Variants in TMCO5A observed in about 807,000 individuals in gnomAD.
TMCO5A encodes the protein transmembrane and coiled-coil domains 5A.
TMCO5A carries 34 observed loss-of-function variants against 42.3 expected under a neutral mutation model. That is an observed-to-expected ratio of 0.80 (90% CI 0.61 to 1.07). The LOEUF (loss-of-function observed/expected upper bound fraction) is 1.07, where lower values mean the gene tolerates loss of function less well. Ranked by LOEUF, TMCO5A falls within the 50% of genes least tolerant of loss-of-function variation. The pLI is 0.00. For synonymous variants in TMCO5A, 131 were observed against 115.6 expected, an observed-to-expected ratio of 1.13 and a Z score of -0.86; for missense variants, 357 against 327.9, an observed-to-expected ratio of 1.09 and a Z score of -0.69.
the TMCO5A span, chr15:38,020,476 C>T: frequency 2.0e-5 from 3 of 152,056 alleles, no homozygotes; most frequent in Admixed American, 6.6e-5. Context: ...AGAAGCAAGC[C>T]GGCTGAAGTT....
chr15:37,950,233 A>G (rs1292321884), intron 11 of TMCO5A, among the ~76,000 whole-genome samples: 1 of 151,092 alleles, frequency 6.6e-6, no homozygotes. Context: ...GAATCTGTAG[A>G]CATATTTTTA....
the TMCO5A span, among the ~76,000 whole-genome samples, chr15:38,015,743 A>C: frequency 1.3e-5 from 2 of 152,224 alleles, no homozygotes; most frequent in African/African-American, 4.8e-5. Flanking sequence ...TAAATGAGCT[A>C]TCAAGTCATA....
chr15:38,021,908 C>G, the TMCO5A span, among the ~76,000 whole-genome samples: 1 of 150,666 alleles, frequency 6.6e-6, no homozygotes, highest in African/African-American at 2.4e-5. Flanking sequence ...CTCCTGGGTT[C>G]AAGCAATTCT....
downstream of TMCO5A, among the ~76,000 whole-genome samples, chr15:37,955,940 GTCAC>G (rs1183668907): frequency 5.3e-5 from 8 of 152,086 alleles, no homozygotes; most frequent in Non-Finnish European, 1.2e-4. Context: ...GATTAAGAAA[GTCAC>G]TCAAAGCCAC....
At chr15:37,980,326 G>T in the TMCO5A span, among the ~76,000 whole-genome samples, 2 of 152,142 alleles carry the variant, frequency 1.3e-5, no homozygotes, top group Admixed American at 6.5e-5. Flanking sequence ...GTGCCCAGGG[G>T]TCTAAGATCC....
At position 37,958,267 on chromosome 15, in the gene TMCO5A, G is replaced by T. The variant is rs548849566; in HGVS notation, c.669-8358G>T. 8.3e-4 allele frequency among the ~76,000 whole-genome samples: 126 copies of T among 152,276 alleles called. 1 individual carries two copies. The highest frequency in any genetic ancestry group is 2.8e-3 in the African/African-American group (117 of 41,564). On this transcript the variant is annotated intron_variant, in intron 11 of 11. Coordinates refer to the TMCO5A transcript ENST00000559502. ...GATATATTTAAACTAAAGAGCTACT[G>T]CACAGCAAAAGAAACTATCATCAGA...
the TMCO5A span, among the ~76,000 whole-genome samples, chr15:38,002,367 T>C: frequency 6.6e-6 from 1 of 152,094 alleles, no homozygotes; most frequent in Admixed American, 6.5e-5. Flanking sequence ...AATATTGATA[T>C]CTTTCCCTAG....
intron 10 of TMCO5A, among the ~76,000 whole-genome samples, chr15:37,946,237 C>A (rs1374464295): frequency 6.6e-6 from 1 of 152,084 alleles, no homozygotes; most frequent in Non-Finnish European, 1.5e-5. Flanking sequence ...TGTTTTTGTA[C>A]TAGTACCACG....
the TMCO5A span, among the ~76,000 whole-genome samples, chr15:38,025,391 G>A: frequency 6.6e-6 from 1 of 152,012 alleles, no homozygotes; most frequent in Non-Finnish European, 1.5e-5. Context: ...GGTACACAAA[G>A]ACAACTCTGG....
downstream of TMCO5A, among the ~76,000 whole-genome samples, chr15:37,972,662 T>G (rs1890697262): frequency 6.6e-6 from 1 of 152,220 alleles, no homozygotes; most frequent in Non-Finnish European, 1.5e-5. Flanking sequence ...TTTAAGTTCC[T>G]TATAGATTCT....
At chr15:37,966,054 C>A (rs1180559706) in intron 11 of TMCO5A, among the ~76,000 whole-genome samples, 1 of 152,162 alleles carries the variant, frequency 6.6e-6, no homozygotes, top group South Asian at 2.1e-4. Context: ...TACATCTACA[C>A]AATAGAGTGC....
chr15:38,024,111 G>C, the TMCO5A span, among the ~76,000 whole-genome samples: 1 of 152,196 alleles, frequency 6.6e-6, no homozygotes, highest in Non-Finnish European at 1.5e-5. Flanking sequence ...GCTTGGGCCT[G>C]ATCAGCTGGA....
chr15:38,029,555 G>C, the TMCO5A span, among the ~76,000 whole-genome samples: 1 of 152,056 alleles, frequency 6.6e-6, no homozygotes, highest in Non-Finnish European at 1.5e-5. Flanking sequence ...CAACCTCTGG[G>C]CTCAAGCAAT....
chr15:38,006,724 A>G, the TMCO5A span, among the ~76,000 whole-genome samples: 1 of 152,218 alleles, frequency 6.6e-6, no homozygotes, highest in African/African-American at 2.4e-5. Flanking sequence ...TGGCTACACT[A>G]TATTGACTTA....
chr15:37,962,215 G>T (rs151221770), intron 11 of TMCO5A, among the ~76,000 whole-genome samples: 71 of 151,860 alleles, frequency 4.7e-4, no homozygotes, highest in Middle Eastern at 6.8e-3. Flanking sequence ...TATCTCCCTT[G>T]TATGCCAATT....
chr15:38,034,757 G>A, the TMCO5A span, among the ~76,000 whole-genome samples: 1 of 152,124 alleles, frequency 6.6e-6, no homozygotes, highest in Admixed American at 6.5e-5. Flanking sequence ...AGCTCCACCA[G>A]GATACCCAAT....
chr15:38,021,703 G>A, the TMCO5A span, among the ~76,000 whole-genome samples: 53 of 151,790 alleles, frequency 3.5e-4, no homozygotes, highest in African/African-American at 1.2e-3. Context: ...AAAATCAGTC[G>A]TGTTTTATTA....
At chr15:37,995,769 T>C in the TMCO5A span, among the ~76,000 whole-genome samples, 4 of 151,504 alleles carry the variant, frequency 2.6e-5, no homozygotes, top group African/African-American at 4.9e-5. Context: ...TCAGAAAAGA[T>C]ATAAGAAATA....
the TMCO5A span, among the ~76,000 whole-genome samples, chr15:38,022,400 G>T: frequency 6.6e-6 from 1 of 152,084 alleles, no homozygotes; most frequent in Non-Finnish European, 1.5e-5. Context: ...ATTTGAAAAG[G>T]CTATATATGA....
Sources: allele counts gnomAD v4.1 joint callset (sites outside exome capture counted in the v4.1 genomes callset), GRCh38; gene constraint gnomAD v4.1.1; transcripts MANE v1.5; gene names NCBI Gene and HGNC (gene_info 2026-07-23, HGNC 2026-07-21).